ADPGK: variants seen among roughly 807,000 people sequenced by gnomAD.
ADPGK encodes the protein ADP-dependent glucokinase.
Under a neutral mutation model 42.4 loss-of-function variants are expected in ADPGK, and 26 were observed. That is an observed-to-expected ratio of 0.61 (90% CI 0.45 to 0.85). ADPGK has a LOEUF of 0.85. ADPGK is among the 40% of genes least tolerant of loss of function. ADPGK has a pLI of 0.00. For synonymous variants in ADPGK, 267 were observed against 252.6 expected, an observed-to-expected ratio of 1.06 and a Z score of -0.54; for missense variants, 571 against 627.0, an observed-to-expected ratio of 0.91 and a Z score of 0.95.
intron 4 of ADPGK, chr15:72,757,720 C>T (rs1489824485): frequency 1.1e-5 from 2 of 181,852 alleles, no homozygotes; most frequent in Non-Finnish European, 2.3e-5. Context: ...CCAAATCCAA[C>T]ATTTTGCAAA....
At chr15:72,754,110 C>A (rs866342458) in intron 6 of ADPGK, among the ~76,000 whole-genome samples, 6,346 of 141,558 alleles carry the variant, frequency 0.045, 432 homozygotes, top group African/African-American at 0.15. Flanking sequence ...AAAAAAAAAA[C>A]AAAACCAACG....
At chr15:72,763,163 T>A (rs1595794478) in intron 3 of ADPGK, among the ~76,000 whole-genome samples, 2 of 152,166 alleles carry the variant, frequency 1.3e-5, no homozygotes, top group East Asian at 3.9e-4. Flanking sequence ...GTTTTTATAT[T>A]TTTTTGAGAC....
Position 72,779,405 on chromosome 15 carries a change from C to T in ADPGK, c.233+4054G>A, listed in dbSNP as rs140906400. The stretch of plus-strand genomic sequence containing the variant: ...CTGGGATTACAGAAATGCATCACCA[C>T]GCCTAATTTTTTTATTTTTAGTAGA... On this transcript the variant is annotated intron_variant, in intron 1 of 6. Coordinates refer to ENST00000456471, the MANE Select transcript of ADPGK (RefSeq NM_001365225.1). Among the ~76,000 whole-genome samples the T allele has an allele frequency of 2.7e-4, 41 of 152,032 alleles. 1 individual carries two copies. The South Asian group carries it at 7.3e-3, about 27-fold the overall frequency.
At chr15:72,783,409 T>C (rs1214884852) in intron 1 of ADPGK, 50 bp downstream of exon 1, 23 of 1,324,144 alleles carry the variant, frequency 1.7e-5, no homozygotes, top group Non-Finnish European at 2.1e-5. Flanking sequence ...CCGCCCGACC[T>C]CCAAGGCCGA....
Position 72,774,876 on chromosome 15 carries a change from G to A in ADPGK, c.455C>T (p.Ala152Val), listed in dbSNP as rs142419430. ...CTATTGCTGAACCAAACAGACCTGG[G>A]CTCCTGGGAACTCTGATGCAACCTG... Reference protein sequence around the residue: ...IAQVASEFPGAQHYVGGNAAL... With the variant: ...IAQVASEFPGVQHYVGGNAAL... Residue 152 changes from alanine to valine, a missense_variant, in exon 2 of 7, where the codon GCC (alanine) becomes GTC (valine). Coordinates refer to ENST00000456471, the MANE Select transcript of ADPGK (RefSeq NM_001365225.1). The A allele has an allele frequency of 1.0e-4, 164 of 1,611,026 alleles. No homozygotes were observed. The African/African-American group carries it at 1.7e-3, about 17-fold the overall frequency.
At chr15:72,758,222 C>G in intron 4 of ADPGK, 1 of 1,141,796 alleles carries the variant, frequency 8.8e-7, no homozygotes, top group South Asian at 1.2e-5. Flanking sequence ...GGGGCAGATG[C>G]AAATGGATCT....
chr15:72,771,044 T>C (rs551395491), intron 3 of ADPGK, among the ~76,000 whole-genome samples: 11 of 152,328 alleles, frequency 7.2e-5, no homozygotes, highest in Middle Eastern at 3.4e-3. Flanking sequence ...CCATGTATTG[T>C]AGTAGGTTTT....
intron 4 of ADPGK, chr15:72,758,277 G>A: frequency 1.3e-6 from 1 of 763,514 alleles, no homozygotes; most frequent in African/African-American, 1.7e-5. Context: ...TCCTCACAAA[G>A]TGTTGTATTC....
Position 72,752,703 on chromosome 15 carries a change from T to G in ADPGK, c.1132A>C (p.Arg378=). The change falls in exon 7 of 7, where the codon AGG becomes CGG. Residue 378 remains arginine, a synonymous_variant. Coordinates refer to ENST00000456471, the MANE Select transcript of ADPGK (RefSeq NM_001365225.1). ...TAGACCAGCGTGTGGAAATGGATCC[T>G]GGTGAGATCCGAGGCTCTGCTTTTA... The part of the protein sequence containing the change: ...RSKSRASDLT[R]IHFHTLVYHI... 6.2e-7 allele frequency: 1 copy of G among 1,614,246 alleles called. No homozygotes were observed. The highest frequency in any genetic ancestry group is 8.5e-7 in the Non-Finnish European group (1 of 1,180,046).
At chr15:72,755,428 C>G (rs2066098686) in intron 6 of ADPGK, 128 bp downstream of exon 6, 1 of 657,954 alleles carries the variant, frequency 1.5e-6, no homozygotes, top group Non-Finnish European at 2.7e-6. Context: ...GGACTTGGGT[C>G]TGAGTGACAC....
At chr15:72,777,592 C>G (rs1199245653) in intron 1 of ADPGK, among the ~76,000 whole-genome samples, 1 of 151,812 alleles carries the variant, frequency 6.6e-6, no homozygotes, top group East Asian at 1.9e-4. Context: ...GCAGGAGAAT[C>G]GCTTGAACCC....
intron 3 of ADPGK, 33 bp from the exon 4 acceptor site, chr15:72,760,560 C>T (rs2066179857): frequency 1.9e-6 from 3 of 1,578,308 alleles, no homozygotes; most frequent in Non-Finnish European, 2.6e-6. Flanking sequence ...CCATCAGGAG[C>T]CCCGTTCCTT....
rs201203563 is a variant in ADPGK at position 72,752,629 on chromosome 15, G to A, written c.1206C>T (p.Ala402=). ...VDGHWANQLA[A]VAAGARVAGT... is the part of the protein sequence containing the mutation. ...CAGCCACACGAGCTCCTGCAGCCACGGCTGCCAGCTGGTTGGCCCAGTGTC... is the reference window on the plus strand; with the variant it reads ...CAGCCACACGAGCTCCTGCAGCCACAGCTGCCAGCTGGTTGGCCCAGTGTC... The change falls in exon 7 of 7, where the codon GCC becomes GCT. Residue 402 remains alanine (A), a synonymous_variant. Transcript: ENST00000456471. The A allele has an allele frequency of 2.8e-5, 45 of 1,614,212 alleles. No homozygotes were observed. Among genetic ancestry groups the A allele is most frequent in the Middle Eastern group, 1.6e-4 (1 of 6,062 alleles).
chr15:72,764,393 A>G (rs936062700), intron 3 of ADPGK, among the ~76,000 whole-genome samples: 1 of 152,360 alleles, frequency 6.6e-6, no homozygotes, highest in South Asian at 2.1e-4. Flanking sequence ...CAAACAAGCT[A>G]CAACATTCCC....
chr15:72,781,618 A>G (rs1019829681), intron 1 of ADPGK, among the ~76,000 whole-genome samples: 3 of 152,186 alleles, frequency 2.0e-5, no homozygotes, highest in Non-Finnish European at 4.4e-5. Context: ...GGTTTGTTCT[A>G]TGTCCCCTCC....
chr15:72,774,361 T>C (rs1011306092), intron 2 of ADPGK, among the ~76,000 whole-genome samples: 1 of 152,052 alleles, frequency 6.6e-6, no homozygotes, highest in Non-Finnish European at 1.5e-5. Flanking sequence ...TGAGGGTACA[T>C]GTAGGAGCAG....
intron 3 of ADPGK, among the ~76,000 whole-genome samples, chr15:72,765,636 G>A (rs1347777354): frequency 6.6e-6 from 1 of 152,202 alleles, no homozygotes; most frequent in East Asian, 1.9e-4. Flanking sequence ...ATTAACAGGA[G>A]TTTCAAAGAG....
intron 5 of ADPGK, 200 bp downstream of exon 5, chr15:72,756,051 G>T: frequency 1.4e-6 from 1 of 713,538 alleles, no homozygotes; most frequent in South Asian, 1.5e-5. Context: ...GTTCTGCCCT[G>T]TCCTACTCAA....
At chr15:72,775,210 T>C in intron 1 of ADPGK, 113 bp from the exon 2 acceptor site, 1 of 895,636 alleles carries the variant, frequency 1.1e-6, no homozygotes, top group South Asian at 1.5e-5. Context: ...AAACAGGAAG[T>C]AGGTCTGAAA....
Sources: allele counts gnomAD v4.1 joint callset (sites outside exome capture counted in the v4.1 genomes callset), GRCh38; gene constraint gnomAD v4.1.1; transcripts MANE v1.5; gene names NCBI Gene and HGNC (gene_info 2026-07-23, HGNC 2026-07-21).